The following FRMD1 variants were observed in gnomAD, a reference collection of about 807,000 sequenced individuals.
FRMD1 encodes the protein FERM domain-containing protein 1.
A neutral mutation model predicts 54.9 loss-of-function variants in FRMD1; 51 were observed. The observed-to-expected ratio is 0.93, with a 90% CI of 0.74 to 1.17. The LOEUF (loss-of-function observed/expected upper bound fraction) is 1.17. FRMD1 is among the 50% of genes most tolerant of loss of function. The probability of loss-of-function intolerance (pLI) is 0.00; values close to 1 mark genes in which losing one functional copy is unlikely to be tolerated. For missense variants in FRMD1, 729 were observed against 743.0 expected (o/e 0.98, Z 0.22); for synonymous variants, 324 against 306.4 (o/e 1.06, Z -0.60).
upstream of FRMD1, among the ~76,000 whole-genome samples, chr6:168,079,988 A>G (rs572847656): frequency 1.2e-3 from 187 of 152,198 alleles, no homozygotes; most frequent in Middle Eastern, 3.4e-3. Context: ...CAGGAGAGGC[A>G]GTTCCCACGG....
chr6:168,080,201 C>G (rs7762863), upstream of FRMD1, among the ~76,000 whole-genome samples: 16 of 151,924 alleles, frequency 1.1e-4, no homozygotes, highest in African/African-American at 3.1e-4. Context: ...CCCTAAGGCC[C>G]GGCCCGGTGG....
chr6:168,067,057 G>A (rs3816861), intron 3 of FRMD1: 546,061 of 731,708 alleles, frequency 0.75, 204,607 homozygotes, highest in Non-Finnish European at 0.78. Flanking sequence ...GGCGGGCTTC[G>A]GGCGGGCACA....
chr6:168,061,490 C>T (rs144372597), intron 8 of FRMD1, among the ~76,000 whole-genome samples: 54 of 152,318 alleles, frequency 3.5e-4, no homozygotes, highest in African/African-American at 9.6e-4. Context: ...GAGGCCTTGT[C>T]GGAACCTGCA....
At chr6:168,082,951 T>C (rs530189237), upstream of FRMD1, among the ~76,000 whole-genome samples, 2 of 152,042 alleles carry the variant, frequency 1.3e-5, no homozygotes, top group East Asian at 1.9e-4. Context: ...GGGTGGCTTG[T>C]GAGTGTCCCA....
chr6:168,065,100 G>A (rs750827525), intron 4 of FRMD1, 43 bp from the exon 5 acceptor site: 7 of 1,562,866 alleles, frequency 4.5e-6, no homozygotes, highest in Non-Finnish European at 6.1e-6. Flanking sequence ...ACCGGTGTGG[G>A]GACTGCTGGC....
rs1799355457 is a variant in FRMD1, at chr6:168,055,102, G to A, written c.*1995C>T. On this transcript the variant is annotated 3_prime_UTR_variant, in exon 11 of 11. Coordinates refer to ENST00000283309, the MANE Select transcript of FRMD1 (RefSeq NM_024919.6). ...AGGCCCAGAGGAAGGACAGAAATAGGAATCCCCAGTGGGGCCAGAGAAGCT... is the reference window on the plus strand; with the variant it reads ...AGGCCCAGAGGAAGGACAGAAATAGAAATCCCCAGTGGGGCCAGAGAAGCT... The A allele has an allele frequency of 6.6e-6, 1 of 152,242 alleles. No homozygotes were observed. The highest frequency in any genetic ancestry group is 1.9e-4 in the East Asian group (1 of 5,184). 9.4% of individuals were successfully genotyped at this position (152,242 alleles called of 1,614,324 possible).
In FRMD1 at chr6:168,057,007, G is replaced by C; in HGVS notation, c.*90C>G. ...GGCTGCGGAAGTGCAGGCAGCATCT[G>C]GCGGGCAGGAAGGGACGAGGGCCAT... On this transcript the variant is annotated 3_prime_UTR_variant, in exon 11 of 11. Transcript: ENST00000283309. 1 of 1,377,208 alleles carries C rather than the reference G, an allele frequency of 7.3e-7. No homozygotes were observed. The highest frequency in any genetic ancestry group is 1.6e-5 in the South Asian group (1 of 61,580). 85.3% of individuals were successfully genotyped at this position (1,377,208 alleles called of 1,614,324 possible). A position where few individuals can be genotyped will look rare whatever the true frequency, so the allele number is the denominator to read the frequency against.
rs1800134923 is a variant in FRMD1 at position 168,068,074 on chromosome 6, T to C, written c.305-628A>G. ...CTGCAGAAAGCTATGAACGTGCCACTGCACTCCAGTGTGGGTGATAAGAGT... is the reference window on the plus strand; with the variant it reads ...CTGCAGAAAGCTATGAACGTGCCACCGCACTCCAGTGTGGGTGATAAGAGT... On this transcript the variant is annotated intron_variant, in intron 2 of 10. Coordinates refer to ENST00000283309, the MANE Select transcript of FRMD1 (RefSeq NM_024919.6). Among the ~76,000 whole-genome samples, 4 of 152,164 alleles carry C rather than the reference T, an allele frequency of 2.6e-5. No individual in the cohort carries two copies. In the South Asian group the frequency reaches 8.3e-4, roughly 32 times the overall value.
chr6:168,073,623 G>A (rs1456037255), intron 2 of FRMD1, among the ~76,000 whole-genome samples: 1 of 152,184 alleles, frequency 6.6e-6, no homozygotes, highest in African/African-American at 2.4e-5. Context: ...AGGGGCCGGG[G>A]CCACCCGCGC....
chr6:168,060,978 C>T lies in FRMD1; in HGVS notation c.1125G>A (p.Gly375=). ...DLASRSFPGS[G]VSSQHCPHCL... Reference sequence around the variant, plus strand: ...AGTGGGGGCAGTGCTGGCTGCTGACCCCACTGCCCGGGAAGCTCCTGCTGG... The same window carrying T: ...AGTGGGGGCAGTGCTGGCTGCTGACTCCACTGCCCGGGAAGCTCCTGCTGG... The change falls in exon 9 of 11, where the codon GGG becomes GGA. Residue 375 remains glycine (G), a synonymous_variant. Transcript: ENST00000283309. 1 of 1,613,062 alleles carries T rather than the reference C, an allele frequency of 6.2e-7. No homozygotes were observed. Among genetic ancestry groups the T allele is most frequent in the Non-Finnish European group, 8.5e-7 (1 of 1,179,940 alleles).
At chr6:168,065,644 C>G in intron 4 of FRMD1, 1 of 986,724 alleles carries the variant, frequency 1.0e-6, no homozygotes. Flanking sequence ...TATCCAGAAC[C>G]TTCCACATAT....
chr6:168,074,953 G>A (rs1303377824), intron 2 of FRMD1, among the ~76,000 whole-genome samples: 1 of 151,410 alleles, frequency 6.6e-6, no homozygotes, highest in African/African-American at 2.4e-5. Context: ...GCACGTGTGT[G>A]GCGTGTGCAT....
At chr6:168,082,181 A>C (rs1407615363), upstream of FRMD1, among the ~76,000 whole-genome samples, 1 of 152,194 alleles carries the variant, frequency 6.6e-6, no homozygotes. Context: ...CCTCTGCACA[A>C]TCAGCAACAC....
chr6:168,086,168 G>A (rs1296225349), upstream of FRMD1, among the ~76,000 whole-genome samples: 1 of 151,988 alleles, frequency 6.6e-6, no homozygotes, highest in Non-Finnish European at 1.5e-5. Context: ...TACCACCAAT[G>A]TCCCAGCATG....
chr6:168,076,662 AT>A (rs1409011512), intron 1 of FRMD1, among the ~76,000 whole-genome samples: 2 of 152,264 alleles, frequency 1.3e-5, no homozygotes, highest in African/African-American at 4.8e-5. Context: ...CTGTGAGTCA[AT>A]TAAACCTCTT....
intron 4 of FRMD1, chr6:168,065,822 G>T: frequency 1.0e-6 from 1 of 999,796 alleles, no homozygotes. Flanking sequence ...TTTGGAACTG[G>T]CAGGGATTGT....
chr6:168,078,149 C>T (rs73028356), intron 1 of FRMD1, among the ~76,000 whole-genome samples: 4,260 of 152,162 alleles, frequency 0.028, 67 homozygotes, highest in East Asian at 0.054. Flanking sequence ...TCATTATCCA[C>T]ATTAATCATT....
chr6:168,073,994 T>C (rs1235178093), intron 2 of FRMD1, among the ~76,000 whole-genome samples: 2 of 152,020 alleles, frequency 1.3e-5, no homozygotes, highest in Non-Finnish European at 2.9e-5. Context: ...CCATGCCCCA[T>C]GTAGCCTCCC....
At chr6:168,061,688 G>C in intron 8 of FRMD1, 119 bp downstream of exon 8, 1 of 1,102,960 alleles carries the variant, frequency 9.1e-7, no homozygotes, top group Non-Finnish European at 1.3e-6. Flanking sequence ...GGACGTGGGA[G>C]TCAGGAGGCC....
Sources: gnomAD v4.1 joint callset for allele counts (sites outside exome capture counted in the v4.1 genomes callset) on GRCh38, gnomAD v4.1.1 for gene constraint, MANE v1.5 for transcripts, NCBI Gene and HGNC (gene_info 2026-07-23, HGNC 2026-07-21) for gene names.